TTLL11: variants seen among roughly 807,000 people sequenced by gnomAD.
TTLL11 encodes tubulin tyrosine ligase like 11.
A neutral mutation model predicts 51.7 loss-of-function variants in TTLL11; 42 were observed. The ratio of observed to expected loss-of-function variants is 0.81; its 90% confidence interval spans 0.64 to 1.05. The LOEUF is 1.05. Ranked by LOEUF, TTLL11 falls within the 50% of genes least tolerant of loss-of-function variation. The pLI is 0.00. For synonymous variants in TTLL11, 381 were observed against 383.5 expected, an observed-to-expected ratio of 0.99 and a Z score of 0.08; for missense variants, 799 against 940.4, an observed-to-expected ratio of 0.85 and a Z score of 1.97.
chr9:121,957,982 A>G (rs1842075055), intron 6 of TTLL11, among the ~76,000 whole-genome samples: 2 of 152,228 alleles, frequency 1.3e-5, no homozygotes, highest in Admixed American at 6.5e-5. Flanking sequence ...CCAGCCTGCC[A>G]TGAAAATTAA....
intron 2 of TTLL11, among the ~76,000 whole-genome samples, chr9:122,032,415 T>C (rs1408430698): frequency 6.6e-6 from 1 of 152,158 alleles, no homozygotes; most frequent in African/African-American, 2.4e-5. Flanking sequence ...ATAAAAAGAA[T>C]ACCAAAATTT....
chr9:121,909,170 A>G (rs1245270666), intron 6 of TTLL11, among the ~76,000 whole-genome samples: 3 of 152,034 alleles, frequency 2.0e-5, no homozygotes, highest in Admixed American at 6.6e-5. Flanking sequence ...CATTCTTCCA[A>G]CCATATCTGA....
rs192632465 is a variant in TTLL11 at position 122,056,566 on chromosome 9, G to C, written c.463-17198C>G. 3.3e-5 allele frequency among the ~76,000 whole-genome samples: 5 copies of C among 152,282 alleles called. No homozygotes were observed. In the East Asian group the frequency reaches 7.7e-4, roughly 24 times the overall value. ...TTAAATCCTTAGGCCCCATGGAACT[G>C]AGCCTAGGAGAAATGGATGAGATTC... On this transcript the variant is annotated intron_variant, in intron 1 of 8. Coordinates refer to ENST00000321582, the MANE Select transcript of TTLL11 (RefSeq NM_001139442.2).
intron 1 of TTLL11, among the ~76,000 whole-genome samples, chr9:122,060,485 A>G (rs1452751747): frequency 6.6e-6 from 1 of 152,182 alleles, no homozygotes; most frequent in African/African-American, 2.4e-5. Flanking sequence ...GAAAGCCAAG[A>G]CGTTAACTTA....
chr9:121,889,903 CG>C (rs1411149010), intron 6 of TTLL11, among the ~76,000 whole-genome samples: 1 of 12,350 alleles, frequency 8.1e-5, no homozygotes, highest in Non-Finnish European at 1.8e-4. Flanking sequence ...CCATCTTGGG[CG>C]GGGCGGGGGG....
rs1843046256 is a variant in TTLL11, at chr9:121,989,590, C to T, written c.874G>A (p.Asp292Asn). Residue 292 changes from aspartate (D) to asparagine (N), a missense_variant, in exon 4 of 9, where the codon GAC becomes AAC. Asp to Asn is a conservative substitution (Grantham distance 23). Around this residue, in one of 3 missense-constraint regions of TTLL11, gnomAD observed 468 missense variants for 612.8 expected, o/e 0.76. Coordinates refer to ENST00000321582, the MANE Select transcript of TTLL11 (RefSeq NM_001139442.2). The surrounding 1 kb of genome is among the most constrained non-coding windows in gnomAD (Gnocchi z 4.2). ...AGACGAATATCAAACTTGAGCTTGTCGATAAGGAGAGGTTTGCAGATGTAC... is the reference window on the plus strand; with the variant it reads ...AGACGAATATCAAACTTGAGCTTGTTGATAAGGAGAGGTTTGCAGATGTAC... ...QEYICKPLLI[D>N]KLKFDIRLYV... The T allele has an allele frequency of 3.7e-6, 6 of 1,613,950 alleles. No individual in the cohort carries two copies. The highest frequency in any genetic ancestry group is 1.6e-4 in the Middle Eastern group (1 of 6,062).
chr9:122,053,125 C>G (rs1030357961), intron 1 of TTLL11, among the ~76,000 whole-genome samples: 1 of 152,180 alleles, frequency 6.6e-6, no homozygotes, highest in Non-Finnish European at 1.5e-5. Context: ...AAACCCACCT[C>G]AGGAAAAAGT....
intron 1 of TTLL11, among the ~76,000 whole-genome samples, chr9:122,045,897 C>G (rs1844988114): frequency 6.6e-6 from 1 of 152,090 alleles, no homozygotes; most frequent in Non-Finnish European, 1.5e-5. Flanking sequence ...CTGAAGGGAA[C>G]AGAAATAGGG....
intron 3 of TTLL11, among the ~76,000 whole-genome samples, chr9:122,000,708 A>G (rs1843434037): frequency 6.6e-6 from 1 of 152,186 alleles, no homozygotes; most frequent in African/African-American, 2.4e-5. Flanking sequence ...GCATGTCATC[A>G]AGAACCATAA....
In TTLL11 at chr9:121,900,954, G is replaced by A. The variant is rs192773651; in HGVS notation, c.1482-30206C>T. On this transcript the variant is annotated intron_variant, in intron 6 of 8. Transcript: ENST00000321582. ...CTCCTGAGTAGCTGAGACTACAGGTGTATAGAGATGGGGTCTCACCATGTT... is the reference window on the plus strand; with the variant it reads ...CTCCTGAGTAGCTGAGACTACAGGTATATAGAGATGGGGTCTCACCATGTT... 3.0e-3 allele frequency among the ~76,000 whole-genome samples: 463 copies of A among 152,154 alleles called. 3 individuals are homozygous for A. The highest frequency in any genetic ancestry group is 0.011 in the African/African-American group (444 of 41,526).
At chr9:121,871,911 C>G (rs1564281943) in intron 6 of TTLL11, among the ~76,000 whole-genome samples, 1 of 152,236 alleles carries the variant, frequency 6.6e-6, no homozygotes, top group Non-Finnish European at 1.5e-5. Context: ...AGTTCCCACT[C>G]CTGGGTCCTA....
intron 6 of TTLL11, chr9:121,885,422 G>A (rs1588094396): frequency 6.6e-6 from 1 of 152,234 alleles, no homozygotes; most frequent in Non-Finnish European, 1.5e-5. Context: ...GTGAGCAGTG[G>A]TTAACCACAA....
Position 121,822,636 on chromosome 9 carries a change from C to T in TTLL11, c.2084G>A (p.Arg695His), listed in dbSNP as rs748328447. 30 of 1,384,610 alleles carry T rather than the reference C, an allele frequency of 2.2e-5. No homozygotes were observed. Among genetic ancestry groups the T allele is most frequent in the African/African-American group, 6.0e-5 (4 of 66,740 alleles). The allele number at this position is 1,384,610 out of a possible 1,614,324, so 85.8% of individuals were successfully genotyped here. A position where few individuals can be genotyped will look rare whatever the true frequency, so the allele number is the denominator to read the frequency against. Residue 695 changes from arginine to histidine, a missense_variant, in exon 9 of 9, where the codon CGC (arginine) becomes CAC (histidine). Physicochemically the swap from Arg to His is conservative, Grantham distance 29. This residue lies in a region of TTLL11 where 165 missense variants were observed against 166.1 expected (regional missense o/e 0.99). Transcript: ENST00000321582. The surrounding 1 kb of genome is among the most constrained non-coding windows in gnomAD (Gnocchi z 5.8). ...GGAGAGCTTATTGGCACAGCTGGTG[C>T]GGGGTGGGGGGTTGTCCCCTGCTGG... ...AQPAGDNPPP[R>H]TSCANKLSHP... is the part of the protein sequence containing the mutation.
At chr9:121,936,735 T>A (rs1841241413) in intron 6 of TTLL11, among the ~76,000 whole-genome samples, 1 of 152,252 alleles carries the variant, frequency 6.6e-6, no homozygotes, top group Non-Finnish European at 1.5e-5. Flanking sequence ...ATCATCATGA[T>A]TAACATTTAG....
rs1588244492 is a variant in TTLL11 at position 122,057,343 on chromosome 9, T to TAC, written c.463-17977_463-17976dup. Among the ~76,000 whole-genome samples the TAC allele has an allele frequency of 2.9e-4, 37 of 128,012 alleles. No homozygotes were observed. The East Asian group carries it at 4.2e-3, about 15-fold the overall frequency. The allele number at this position is 128,012 out of a possible 152,430, so 84.0% of individuals were successfully genotyped here. On this transcript the variant is annotated intron_variant, in intron 1 of 8. Coordinates refer to ENST00000321582, the MANE Select transcript of TTLL11 (RefSeq NM_001139442.2). ...AATCCTTTTTTTTTTTTTTTTTTTTTACTGAATCTCACTCTGTCACCCATG... is the reference window on the plus strand; with the variant it reads ...AATCCTTTTTTTTTTTTTTTTTTTTTACACTGAATCTCACTCTGTCACCCATG...
chr9:121,957,484 G>C (rs891978495), intron 6 of TTLL11, among the ~76,000 whole-genome samples: 13 of 152,176 alleles, frequency 8.5e-5, no homozygotes, highest in Non-Finnish European at 1.6e-4. Context: ...CAGGGTAACT[G>C]TAACTAAGCA....
rs1488630711 is a variant in TTLL11 at position 122,007,959 on chromosome 9, C to G, written c.694-18189G>C. On this transcript the variant is annotated intron_variant, in intron 3 of 8. Transcript: ENST00000321582. Reference sequence around the variant, plus strand: ...AAAGTTGACATTACCAGTAATAAGACAGAAGGACATCATGTGCCTCCAGAT... The same window carrying G: ...AAAGTTGACATTACCAGTAATAAGAGAGAAGGACATCATGTGCCTCCAGAT... 2.0e-5 allele frequency among the ~76,000 whole-genome samples: 3 copies of G among 152,126 alleles called. 1 individual carries two copies. The South Asian group carries it at 6.2e-4, about 31-fold the overall frequency.
At position 121,995,683 on chromosome 9, in the gene TTLL11, C is replaced by G. The variant is rs908927029; in HGVS notation, c.694-5913G>C. On this transcript the variant is annotated intron_variant, in intron 3 of 8. Coordinates refer to ENST00000321582, the MANE Select transcript of TTLL11 (RefSeq NM_001139442.2). The surrounding 1 kb of genome is among the most constrained non-coding windows in gnomAD (Gnocchi z 4.4). ...TGAGTATTATTTGCACGACTCCAGA[C>G]AGAGCTAATTTAGGACTTTATAATA... Among the ~76,000 whole-genome samples the G allele has an allele frequency of 2.0e-5, 3 of 152,160 alleles. No individual in the cohort carries two copies. Among genetic ancestry groups the G allele is most frequent in the Admixed American group, 1.3e-4 (2 of 15,268 alleles).
chr9:121,936,400 GATTATAGGC>G (rs1309572928), intron 6 of TTLL11, among the ~76,000 whole-genome samples: 1 of 152,032 alleles, frequency 6.6e-6, no homozygotes, highest in African/African-American at 2.4e-5. Flanking sequence ...AAAGTGTTGG[GATTATAGGC>G]ATGAGCCACT....
Sources: allele counts gnomAD v4.1 joint callset (sites outside exome capture counted in the v4.1 genomes callset), GRCh38; gene constraint gnomAD v4.1.1; regional missense constraint gnomAD v4.1.1; non-coding constraint Gnocchi (gnomAD v3.1); transcripts MANE v1.5; gene names NCBI Gene and HGNC (gene_info 2026-07-23, HGNC 2026-07-21).